Variants in TMEM217B observed in about 807,000 individuals in gnomAD.
The protein encoded by TMEM217B is putative transmembrane protein 217B.
At chr6:37,223,140 G>C in the TMEM217B span, among the ~76,000 whole-genome samples, 1 of 151,934 alleles carries the variant, frequency 6.6e-6, no homozygotes, top group Non-Finnish European at 1.5e-5. Context: ...AGACATGAAA[G>C]ACATAATAAG....
At chr6:37,235,130 A>C in the TMEM217B span, among the ~76,000 whole-genome samples, 2 of 152,190 alleles carry the variant, frequency 1.3e-5, no homozygotes, top group African/African-American at 4.8e-5. Context: ...TGAGCTAAAA[A>C]CATTATCATG....
the TMEM217B span, among the ~76,000 whole-genome samples, chr6:37,220,318 C>A: frequency 7.2e-5 from 11 of 152,162 alleles, no homozygotes; most frequent in Admixed American, 7.2e-4. Context: ...ATTATGACAG[C>A]AATGCAGGGT....
chr6:37,245,948 C>T, the TMEM217B span, among the ~76,000 whole-genome samples: 1 of 152,066 alleles, frequency 6.6e-6, no homozygotes, highest in Non-Finnish European at 1.5e-5. Flanking sequence ...CACAGGCGTG[C>T]ACCACCAAGC....
the TMEM217B span, among the ~76,000 whole-genome samples, chr6:37,226,544 G>A: frequency 2.0e-5 from 3 of 150,764 alleles, no homozygotes; most frequent in South Asian, 2.1e-4. Flanking sequence ...TGATCCGCCC[G>A]CCTCGGCCAC....
the TMEM217B span, among the ~76,000 whole-genome samples, chr6:37,246,411 A>G: frequency 1.3e-5 from 2 of 152,270 alleles, no homozygotes; most frequent in South Asian, 2.1e-4. Flanking sequence ...GTGGAAACAT[A>G]TGATACTTCT....
the TMEM217B span, among the ~76,000 whole-genome samples, chr6:37,229,266 CT>C: frequency 6.6e-6 from 1 of 150,896 alleles, no homozygotes; most frequent in African/African-American, 2.4e-5. Context: ...AGAGTAAGCC[CT>C]TGTCCTGTGG....
chr6:37,239,128 C>A, the TMEM217B span, among the ~76,000 whole-genome samples: 3 of 151,548 alleles, frequency 2.0e-5, no homozygotes, highest in South Asian at 4.2e-4. Flanking sequence ...ACTCTGTCTC[C>A]AAAACAAAAA....
the TMEM217B span, among the ~76,000 whole-genome samples, chr6:37,223,031 G>A: frequency 2.0e-5 from 3 of 152,156 alleles, no homozygotes; most frequent in Admixed American, 6.5e-5. Context: ...ACAGATTAAG[G>A]AATAATTAGT....
At chr6:37,252,946 A>T in the TMEM217B span, among the ~76,000 whole-genome samples, 5 of 152,146 alleles carry the variant, frequency 3.3e-5, no homozygotes, top group South Asian at 1.0e-3. Context: ...CAGGTGATGT[A>T]TATTTTATAA....
At chr6:37,215,212 T>C in the TMEM217B span, 16 of 1,613,850 alleles carry the variant, frequency 9.9e-6, no homozygotes, top group East Asian at 1.8e-4. Context: ...CAGACATCTA[T>C]TGTGTATCTA....
chr6:37,215,256 A>C, the TMEM217B span: 2 of 1,614,058 alleles, frequency 1.2e-6, no homozygotes, highest in African/African-American at 1.3e-5. Flanking sequence ...CACTGGAGAC[A>C]GACAGGTAAA....
chr6:37,248,091 C>T, the TMEM217B span, among the ~76,000 whole-genome samples: 1 of 152,166 alleles, frequency 6.6e-6, no homozygotes, highest in African/African-American at 2.4e-5. Context: ...AAATCACACT[C>T]ATCTTTCAAG....
chr6:37,236,526 A>G, the TMEM217B span, among the ~76,000 whole-genome samples: 6 of 152,148 alleles, frequency 3.9e-5, no homozygotes, highest in African/African-American at 1.4e-4. Context: ...AGGCCATTAT[A>G]GGGAGGGTAT....
the TMEM217B span, among the ~76,000 whole-genome samples, chr6:37,215,867 G>A: frequency 6.6e-6 from 1 of 152,134 alleles, no homozygotes; most frequent in Non-Finnish European, 1.5e-5. Flanking sequence ...TTTGGAAACA[G>A]CAAGTTTGCC....
chr6:37,232,975 A>G, the TMEM217B span, among the ~76,000 whole-genome samples: 14 of 151,542 alleles, frequency 9.2e-5, no homozygotes, highest in South Asian at 1.3e-3. Context: ...TTCTTTGGTA[A>G]CCTCACTGTG....
chr6:37,213,298 G>T, the TMEM217B span, among the ~76,000 whole-genome samples: 1 of 152,224 alleles, frequency 6.6e-6, no homozygotes, highest in South Asian at 2.1e-4. Context: ...GTTGATGTAG[G>T]TTTGTGGGAA....
chr6:37,251,478 A>G, the TMEM217B span, among the ~76,000 whole-genome samples: 1 of 152,274 alleles, frequency 6.6e-6, no homozygotes, highest in South Asian at 2.1e-4. Flanking sequence ...GAATATTCAC[A>G]TAAGGGAACG....
the TMEM217B span, chr6:37,212,855 T>C: frequency 1.5e-6 from 2 of 1,341,482 alleles, no homozygotes; most frequent in Non-Finnish European, 2.1e-6. Flanking sequence ...ACGTAGATGC[T>C]GAACTTGGCC....
At chr6:37,239,064 A>G in the TMEM217B span, among the ~76,000 whole-genome samples, 2 of 152,180 alleles carry the variant, frequency 1.3e-5, no homozygotes, top group Non-Finnish European at 2.9e-5. Flanking sequence ...TAAGAGGTGG[A>G]GAGGTTGCAG....
Sources: allele counts gnomAD v4.1 joint callset (sites outside exome capture counted in the v4.1 genomes callset), GRCh38; gene constraint gnomAD v4.1.1; transcripts MANE v1.5; gene names NCBI Gene and HGNC (gene_info 2026-07-23, HGNC 2026-07-21).